GNA13: variants seen among roughly 807,000 people sequenced by gnomAD.
GNA13 encodes G protein subunit alpha 13, also known as guanine nucleotide-binding protein subunit alpha-13.
A neutral mutation model predicts 33.5 loss-of-function variants in GNA13; 4 were observed. The ratio of observed to expected loss-of-function variants is 0.12; its 90% CI spans 0.06 to 0.27. The LOEUF (loss-of-function observed/expected upper bound fraction) is 0.27, where lower values mean the gene tolerates loss of function less well. Ranked by LOEUF, GNA13 falls within the 10% of genes least tolerant of loss-of-function variation. The pLI is 1.00. For missense variants in GNA13, 319 were observed against 487.2 expected (o/e 0.65, Z 3.25); for synonymous variants, 176 against 183.8 (o/e 0.96, Z 0.34).
intron 2 of GNA13, among the ~76,000 whole-genome samples, chr17:65,049,381 A>G (rs1413442412): frequency 6.6e-6 from 1 of 152,198 alleles, no homozygotes; most frequent in Non-Finnish European, 1.5e-5. Flanking sequence ...TCAGCCTCCC[A>G]AAGAGCTGGG....
intron 2 of GNA13, among the ~76,000 whole-genome samples, chr17:65,035,212 A>C (rs1182776438): frequency 1.3e-5 from 2 of 152,196 alleles, no homozygotes; most frequent in Non-Finnish European, 2.9e-5. Context: ...GTTCCATGTT[A>C]CCATTTAGCA....
chr17:65,039,680 A>C (rs1907386131), intron 2 of GNA13, among the ~76,000 whole-genome samples: 1 of 152,038 alleles, frequency 6.6e-6, no homozygotes, highest in Admixed American at 6.6e-5. Context: ...TTGGTCTCTC[A>C]TTGTTTCTCT....
chr17:65,056,308 C>A lies in GNA13; in HGVS notation c.283+3G>T, dbSNP rs562307158. ...CCCCCGGCCCCCATTCCCGGCCCGGCACCTTTGATCACGTTGCTGTAGATG... is the reference window on the plus strand; with the variant it reads ...CCCCCGGCCCCCATTCCCGGCCCGGAACCTTTGATCACGTTGCTGTAGATG... On this transcript the variant is annotated splice_donor_region_variant and intron_variant, in intron 1 of 3. Transcript: ENST00000439174. 9 of 1,600,706 alleles carry A rather than the reference C, an allele frequency of 5.6e-6. No homozygotes were observed. The South Asian group carries it at 9.9e-5, about 18-fold the overall frequency.
chr17:65,027,876 G>A (rs180789989), intron 2 of GNA13, among the ~76,000 whole-genome samples: 13 of 152,202 alleles, frequency 8.5e-5, no homozygotes, highest in Admixed American at 3.9e-4. Context: ...AGGTCAAGGT[G>A]GGCAGATTAC....
At chr17:65,055,531 C>A (rs1908014273) in intron 1 of GNA13, 43 of 820,918 alleles carry the variant, frequency 5.2e-5, no homozygotes, top group Non-Finnish European at 6.3e-5. Context: ...TGCCAGCCCC[C>A]AGTTACTTAG....
intron 1 of GNA13, among the ~76,000 whole-genome samples, chr17:65,054,849 CAG>C (rs1282881516): frequency 1.3e-5 from 2 of 152,156 alleles, no homozygotes; most frequent in East Asian, 1.9e-4. Context: ...ACTGTCAAGG[CAG>C]AGTCTGCAGC....
chr17:65,031,921 A>AGCGAGAGAGAGTGT, intron 2 of GNA13, among the ~76,000 whole-genome samples: 1 of 91,718 alleles, frequency 1.1e-5, no homozygotes, highest in South Asian at 3.2e-4. Context: ...AGAGAGAGAG[A>AGCGAGAGAGAGTGT]GTGTGTGTGT....
At chr17:65,056,239 G>GCCCGGGCCCCCCCCCCCCCCCC in intron 1 of GNA13, 72 bp downstream of exon 1, 1 of 936,172 alleles carries the variant, frequency 1.1e-6, no homozygotes, top group East Asian at 3.2e-5. Flanking sequence ...CCAGGGCGGT[G>GCCCGGGCCCCCCCCCCCCCCCC]CCCCGCCCCG....
In GNA13 at chr17:65,011,833, T is replaced by C. The variant is rs1906198907; in HGVS notation, c.*2424A>G. The C allele has an allele frequency of 1.3e-5, 3 of 228,062 alleles. No individual in the cohort carries two copies. Among genetic ancestry groups the C allele is most frequent in the Admixed American group, 5.7e-5 (1 of 17,638 alleles). 14.1% of individuals were successfully genotyped at this position (228,062 alleles called of 1,614,324 possible). The stretch of plus-strand genomic sequence containing the variant: ...TCAATTCTGTTCACTAAATTTCATC[T>C]CTCTCTTCATATAGTGGTATTTCAA... On this transcript the variant is annotated 3_prime_UTR_variant, in exon 4 of 4. Coordinates refer to ENST00000439174, the MANE Select transcript of GNA13 (RefSeq NM_006572.6).
chr17:65,026,491 TTA>T (rs1195002832), intron 2 of GNA13, among the ~76,000 whole-genome samples: 1 of 152,198 alleles, frequency 6.6e-6, no homozygotes, highest in Non-Finnish European at 1.5e-5. Flanking sequence ...TAAGCCAAGT[TTA>T]TATAGGCTGT....
intron 1 of GNA13, 53 bp from the exon 2 acceptor site, chr17:65,053,781 T>C: frequency 8.9e-7 from 1 of 1,121,476 alleles, no homozygotes; most frequent in Non-Finnish European, 1.3e-6. Flanking sequence ...TTACATATTA[T>C]CATAAGTTTT....
rs914629257 is a variant in GNA13 at position 65,009,633 on chromosome 17, G to A, written c.*4624C>T. Among the ~76,000 whole-genome samples, 3 of 152,046 alleles carry A rather than the reference G, an allele frequency of 2.0e-5. No individual in the cohort carries two copies. The highest frequency in any genetic ancestry group is 2.9e-5 in the Non-Finnish European group (2 of 67,998). ...ATGTTTTGTTAGGTACAGTATCTAC[G>A]GGGTTATTACAAAATATACTTTTTT... On this transcript the variant is annotated 3_prime_UTR_variant, in exon 4 of 4. Transcript: ENST00000439174.
intron 2 of GNA13, among the ~76,000 whole-genome samples, chr17:65,034,486 G>A (rs576183125): frequency 5.0e-4 from 76 of 151,656 alleles, no homozygotes; most frequent in African/African-American, 1.8e-3. Flanking sequence ...TTTTAGTAGA[G>A]ACGGGGTTTC....
chr17:65,018,358 T>C (rs1404383571), intron 2 of GNA13, 55 bp from the exon 3 acceptor site: 1 of 867,176 alleles, frequency 1.2e-6, no homozygotes, highest in African/African-American at 1.6e-5. Context: ...GAAGATCTTG[T>C]TACAACAGTT....
At position 65,014,088 on chromosome 17, in the gene GNA13, CT is replaced by C; in HGVS notation, c.*168del. ...ATCTTGGCGATGAGTCACTCAACAG[CT>C]TTCAGCCACAAACCAAAGGCCGCAG... On this transcript the variant is annotated 3_prime_UTR_variant, in exon 4 of 4. Transcript: ENST00000439174. The surrounding 1 kb of genome is among the most constrained non-coding windows in gnomAD (Gnocchi z 5.3). 1.7e-6 allele frequency: 1 copy of C among 583,562 alleles called. No homozygotes were observed. The highest frequency in any genetic ancestry group is 2.8e-5 in the East Asian group (1 of 36,098). The allele number at this position is 583,562 out of a possible 1,614,324, so 36.1% of individuals were successfully genotyped here. A position where few individuals can be genotyped will look rare whatever the true frequency, so the allele number is the denominator to read the frequency against.
Position 65,013,433 on chromosome 17 carries a change from AAGTTGCTTGC to A in GNA13, c.*814_*823del, listed in dbSNP as rs1348506813. On this transcript the variant is annotated 3_prime_UTR_variant, in exon 4 of 4. Coordinates refer to ENST00000439174, the MANE Select transcript of GNA13 (RefSeq NM_006572.6). Reference sequence around the variant, plus strand: ...AGTTTATTTAGAAAGTTCTGTTACCAAGTTGCTTGCAGTTTTTAGTTGCTGCTATGGCCAG... The same window carrying A: ...AGTTTATTTAGAAAGTTCTGTTACCAAGTTTTTAGTTGCTGCTATGGCCAG... The A allele has an allele frequency of 4.7e-6, 1 of 211,902 alleles. No individual in the cohort carries two copies. Among genetic ancestry groups the A allele is most frequent in the Non-Finnish European group, 9.6e-6 (1 of 104,466 alleles). The allele number at this position is 211,902 out of a possible 1,614,324, so 13.1% of individuals were successfully genotyped here. A position where few individuals can be genotyped will look rare whatever the true frequency, so the allele number is the denominator to read the frequency against.
chr17:65,040,683 G>C (rs935888440), intron 2 of GNA13, among the ~76,000 whole-genome samples: 10 of 151,954 alleles, frequency 6.6e-5, no homozygotes, highest in African/African-American at 2.4e-4. Context: ...TAGTAGAGAC[G>C]GGTTTCACCA....
chr17:65,021,313 C>A (rs767841332), intron 2 of GNA13, among the ~76,000 whole-genome samples: 2 of 152,164 alleles, frequency 1.3e-5, no homozygotes, highest in African/African-American at 4.8e-5. Flanking sequence ...ATATTTCTTA[C>A]GAGTTTTACA....
At chr17:65,026,429 T>A (rs1316600294) in intron 2 of GNA13, among the ~76,000 whole-genome samples, 1 of 152,240 alleles carries the variant, frequency 6.6e-6, no homozygotes, top group Non-Finnish European at 1.5e-5. Flanking sequence ...GGCTTAGATG[T>A]AAGACTTTCC....
Sources: allele counts gnomAD v4.1 joint callset (sites outside exome capture counted in the v4.1 genomes callset), GRCh38; gene constraint gnomAD v4.1.1; non-coding constraint Gnocchi (gnomAD v3.1); transcripts MANE v1.5; gene names NCBI Gene and HGNC (gene_info 2026-07-23, HGNC 2026-07-21).